Variants in TVP23C observed in about 807,000 individuals in gnomAD.
TVP23C encodes trans-golgi network vesicle protein 23 homolog C.
A neutral mutation model predicts 28.7 loss-of-function variants in TVP23C; 19 were observed. The observed-to-expected ratio is 0.66, with a 90% CI of 0.46 to 0.97. The LOEUF (loss-of-function observed/expected upper bound fraction) is 0.97, where lower values mean the gene tolerates loss of function less well. TVP23C is among the 50% of genes least tolerant of loss of function. The pLI is 0.00. For synonymous variants in TVP23C, 68 were observed against 81.7 expected (o/e 0.83, Z 0.90); for missense variants, 186 against 241.3 (o/e 0.77, Z 1.52).
At chr17:15,521,480 G>T (rs765891907) in intron 5 of TVP23C, among the ~76,000 whole-genome samples, 113 of 152,066 alleles carry the variant, frequency 7.4e-4, no homozygotes, top group Non-Finnish European at 1.4e-3. Flanking sequence ...CTCCAGCCTG[G>T]GCAACAGAGC....
At chr17:15,542,360 A>G (rs1983448261) in intron 5 of TVP23C, among the ~76,000 whole-genome samples, 1 of 152,240 alleles carries the variant, frequency 6.6e-6, no homozygotes, top group Admixed American at 6.5e-5. Flanking sequence ...AATAATCATG[A>G]GAGATGATCA....
intron 5 of TVP23C, among the ~76,000 whole-genome samples, chr17:15,519,477 AAT>A (rs71353740): frequency 0.17 from 17,076 of 100,028 alleles, 1,082 homozygotes; most frequent in Middle Eastern, 0.3. Context: ...ATCTCAAATA[AAT>A]ATACACACAC....
chr17:15,530,620 T>C (rs1005681788), intron 5 of TVP23C, among the ~76,000 whole-genome samples: 2 of 152,250 alleles, frequency 1.3e-5, no homozygotes, highest in Non-Finnish European at 2.9e-5. Flanking sequence ...TGATGTTTTT[T>C]ATTTCCTCAT....
At chr17:15,546,037 A>C in intron 4 of TVP23C, 121 bp from the exon 5 acceptor site, 1 of 1,380,622 alleles carries the variant, frequency 7.2e-7, no homozygotes, top group Non-Finnish European at 9.7e-7. Context: ...CCCAACTCCT[A>C]AGTTAGAACC....
chr17:15,550,721 C>T (rs1353869954), intron 3 of TVP23C, among the ~76,000 whole-genome samples: 2 of 152,108 alleles, frequency 1.3e-5, no homozygotes, highest in African/African-American at 4.8e-5. Context: ...TTAGTGCTTT[C>T]TTACTCTGAT....
downstream of TVP23C, among the ~76,000 whole-genome samples, chr17:15,535,054 A>G (rs1003303712): frequency 2.1e-5 from 3 of 145,258 alleles, no homozygotes; most frequent in African/African-American, 5.2e-5. Context: ...TGACCCAGGG[A>G]AAAAAAATGG....
At chr17:15,534,608 CACA>C (rs1567637828), downstream of TVP23C, among the ~76,000 whole-genome samples, 321 of 148,132 alleles carry the variant, frequency 2.2e-3, 2 homozygotes, top group African/African-American at 8.0e-3. Flanking sequence ...CACACACACA[CACA>C]CCCTTACCTA....
chr17:15,531,200 A>C (rs371147423), intron 5 of TVP23C: 1 of 152,170 alleles, frequency 6.6e-6, no homozygotes, highest in Admixed American at 6.5e-5. Flanking sequence ...CTTGTATGTG[A>C]TAAGTTGTTT....
rs1184748369 is a variant in TVP23C at position 15,547,133 on chromosome 17, G to C, written c.256C>G (p.Leu86Val). The C allele has an allele frequency of 2.5e-6, 4 of 1,609,888 alleles. No homozygotes were observed. The highest frequency in any genetic ancestry group is 3.4e-6 in the Non-Finnish European group (4 of 1,178,720). The change falls in exon 4 of 6, where the codon CTA becomes GTA. Residue 86 changes from leucine (L) to valine (V), a missense_variant. Physicochemically the swap from Leu to Val is conservative, Grantham distance 32 (BLOSUM62 1). Coordinates refer to ENST00000518321, the MANE Select transcript of TVP23C (RefSeq NM_001135036.2). ...TTCCACCAACGTAGGCCAACCATTA[G>C]TCTACCTGTGACATTCTGGTGAAGA... Reference protein sequence around the residue: ...FWAVKNVTGRLMVGLRWWNHI... With the variant: ...FWAVKNVTGRVMVGLRWWNHI...
At chr17:15,521,475 G>C (rs1337357921) in intron 5 of TVP23C, among the ~76,000 whole-genome samples, 11 of 152,102 alleles carry the variant, frequency 7.2e-5, no homozygotes, top group Non-Finnish European at 1.3e-4. Flanking sequence ...CTGCACTCCA[G>C]CCTGGGCAAC....
Position 15,538,891 on chromosome 17 carries a change from T to A in TVP23C, c.*1521A>T. ...GGAGCCATGCAAAAATCCTTCAGAA[T>A]GAGATGATCATGTCCCTACATGAAT... is the stretch of plus-strand genomic sequence containing the variant. On this transcript the variant is annotated 3_prime_UTR_variant, in exon 6 of 6. Transcript: ENST00000518321. 1.0e-6 allele frequency: 1 copy of A among 984,984 alleles called. No homozygotes were observed. The highest frequency in any genetic ancestry group is 1.2e-6 in the Non-Finnish European group (1 of 829,188). 61.0% of individuals were successfully genotyped at this position (984,984 alleles called of 1,614,324 possible). A position where few individuals can be genotyped will look rare whatever the true frequency, so the allele number is the denominator to read the frequency against.
chr17:15,509,468 GGT>G (rs1981911096), intron 5 of TVP23C, among the ~76,000 whole-genome samples: 1 of 152,224 alleles, frequency 6.6e-6, no homozygotes, highest in Admixed American at 6.5e-5. Flanking sequence ...CTTTCCAAGT[GGT>G]GGTTCCTACC....
intron 5 of TVP23C, among the ~76,000 whole-genome samples, chr17:15,524,066 GTGTGTGT>G (rs1982614149): frequency 2.5e-5 from 1 of 40,216 alleles, no homozygotes; most frequent in African/African-American, 1.2e-4. Context: ...AGAGTGGGGT[GTGTGTGT>G]GTGTGTGTGT....
chr17:15,506,944 A>G, intron 5 of TVP23C: 1 of 1,201,146 alleles, frequency 8.3e-7, no homozygotes, highest in Non-Finnish European at 1.2e-6. Context: ...GCTGTTTGCA[A>G]ACAAGATTCC....
At chr17:15,561,012 C>G (rs568934788) in intron 1 of TVP23C, among the ~76,000 whole-genome samples, 1 of 152,084 alleles carries the variant, frequency 6.6e-6, no homozygotes, top group Non-Finnish European at 1.5e-5. Flanking sequence ...ACACAGTAGA[C>G]AGGAAGACCT....
intron 5 of TVP23C, among the ~76,000 whole-genome samples, chr17:15,529,438 T>TGA (rs1982863363): frequency 6.6e-6 from 1 of 151,926 alleles, no homozygotes; most frequent in African/African-American, 2.4e-5. Context: ...GGTGATAGAG[T>TGA]GAGACTCTGT....
intron 5 of TVP23C, among the ~76,000 whole-genome samples, chr17:15,521,429 A>C (rs900589042): frequency 3.3e-5 from 5 of 152,148 alleles, no homozygotes; most frequent in African/African-American, 1.2e-4. Flanking sequence ...TCGTGAGCCC[A>C]GGAGGCGGAG....
intron 5 of TVP23C, among the ~76,000 whole-genome samples, chr17:15,526,151 T>A (rs190625970): frequency 6.6e-6 from 1 of 152,244 alleles, no homozygotes; most frequent in African/African-American, 2.4e-5. Context: ...TGTAGACCAC[T>A]CCTACATTGT....
At chr17:15,551,040 A>T (rs550642261) in intron 3 of TVP23C, among the ~76,000 whole-genome samples, 1 of 151,978 alleles carries the variant, frequency 6.6e-6, no homozygotes, top group African/African-American at 2.4e-5. Flanking sequence ...TTGCTCTATG[A>T]ACTGTTTTAC....
Sources: gnomAD v4.1 joint callset for allele counts (sites outside exome capture counted in the v4.1 genomes callset) on GRCh38, gnomAD v4.1.1 for gene constraint, MANE v1.5 for transcripts, NCBI Gene and HGNC (gene_info 2026-07-23, HGNC 2026-07-21) for gene names.